Variants in SOS2 observed in about 807,000 individuals in gnomAD.
SOS2 encodes son of sevenless homolog 2.
Under a neutral mutation model 148.2 loss-of-function variants are expected in SOS2, and 65 were observed. The observed-to-expected ratio is 0.44, with a 90% CI of 0.36 to 0.54. SOS2 has a LOEUF of 0.54. Among genes scored for constraint, SOS2 ranks in the 20% least tolerant of loss-of-function variants. The pLI is 0.00. For missense variants in SOS2, 1,341 were observed against 1,590.2 expected (o/e 0.84, Z 2.67); for synonymous variants, 539 against 537.1 (o/e 1.00, Z -0.05).
intron 4 of SOS2, among the ~76,000 whole-genome samples, chr14:50,195,882 C>T (rs566738914): frequency 6.6e-6 from 1 of 152,170 alleles, no homozygotes; most frequent in Admixed American, 6.5e-5. Context: ...CAAAAATCAG[C>T]CAGGCATGGT....
intron 2 of SOS2, among the ~76,000 whole-genome samples, chr14:50,201,854 T>C (rs1029805068): frequency 2.6e-5 from 4 of 152,210 alleles, no homozygotes; most frequent in African/African-American, 9.6e-5. Flanking sequence ...GTCATGTATC[T>C]CTTGGAAGAT....
At chr14:50,229,920 T>A (rs1223759448) in intron 1 of SOS2, among the ~76,000 whole-genome samples, 2 of 152,242 alleles carry the variant, frequency 1.3e-5, no homozygotes, top group Non-Finnish European at 2.9e-5. Flanking sequence ...CAGCACACTT[T>A]TCATTTCTTT....
intron 1 of SOS2, among the ~76,000 whole-genome samples, chr14:50,226,309 CT>C (rs922672438): frequency 2.0e-5 from 3 of 152,200 alleles, no homozygotes; most frequent in African/African-American, 7.2e-5. Flanking sequence ...ACAAATGTTG[CT>C]TGCTTAAAGT....
intron 4 of SOS2, among the ~76,000 whole-genome samples, chr14:50,196,959 C>T (rs1351230965): frequency 1.3e-5 from 2 of 152,044 alleles, no homozygotes; most frequent in Non-Finnish European, 2.9e-5. Flanking sequence ...CCTCAACCTC[C>T]CGAGCTCCAG....
rs1886868768 is a variant in SOS2 at position 50,211,510 on chromosome 14, A to AT, written c.88-7102dup. ...ACATCTTTATGTCCATGGGTACCCCATGTTTAGCTCTCACCCGTAAATGAG... is the reference window on the plus strand; with the variant it reads ...ACATCTTTATGTCCATGGGTACCCCATTGTTTAGCTCTCACCCGTAAATGAG... On this transcript the variant is annotated intron_variant, in intron 1 of 22. Transcript: ENST00000216373. Among the ~76,000 whole-genome samples the AT allele has an allele frequency of 1.3e-5, 2 of 150,246 alleles. 1 individual carries two copies. The highest frequency in any genetic ancestry group is 3.0e-5 in the Non-Finnish European group (2 of 67,624).
At chr14:50,127,213 A>G (rs1394733930) in intron 21 of SOS2, among the ~76,000 whole-genome samples, 1 of 141,700 alleles carries the variant, frequency 7.1e-6, no homozygotes, top group Non-Finnish European at 1.5e-5. Flanking sequence ...ACGATCTTGG[A>G]TCACTGCAAC....
At chr14:50,179,753 T>C (rs576207768) in intron 7 of SOS2, among the ~76,000 whole-genome samples, 2 of 152,328 alleles carry the variant, frequency 1.3e-5, no homozygotes, top group East Asian at 1.9e-4. Flanking sequence ...GTTGAGATAG[T>C]AAAAATAAAA....
intron 1 of SOS2, among the ~76,000 whole-genome samples, chr14:50,224,701 T>C (rs370474052): frequency 3.7e-5 from 5 of 134,314 alleles, no homozygotes; most frequent in South Asian, 2.4e-4. Context: ...CCAGAGGACA[T>C]AGCAAGACCT....
chr14:50,122,959 G>A (rs947114485), intron 21 of SOS2, among the ~76,000 whole-genome samples: 3 of 152,104 alleles, frequency 2.0e-5, no homozygotes, highest in Non-Finnish European at 4.4e-5. Context: ...ATATAACCGT[G>A]AACAAAACTC....
At chr14:50,219,816 A>T (rs1355939177) in intron 1 of SOS2, among the ~76,000 whole-genome samples, 1 of 152,138 alleles carries the variant, frequency 6.6e-6, no homozygotes, top group Non-Finnish European at 1.5e-5. Context: ...CTCTAAACTC[A>T]TTAAGATCAG....
Position 50,159,835 on chromosome 14 carries a change from C to T in SOS2, c.1448G>A (p.Ser483Asn), listed in dbSNP as rs17122201. ...HGQTRLPGYSSAEYRLKEKFV... is the reference protein window; with the variant it reads ...HGQTRLPGYSNAEYRLKEKFV... ...TTTTTCTTTTAACCTGTATTCTGCA[C>T]TACTGTAACCTGGAAGCCGAGTCTG... Residue 483 changes from serine to asparagine, a missense_variant, in exon 10 of 23, where the codon AGT (serine) becomes AAT (asparagine). Physicochemically the swap from Ser to Asn is conservative, Grantham distance 46. Around this residue, in one of 4 missense-constraint regions of SOS2, gnomAD observed 574 missense variants for 711.1 expected, o/e 0.81. Coordinates refer to ENST00000216373, the MANE Select transcript of SOS2 (RefSeq NM_006939.4). 7,944 of 1,614,066 alleles carry T rather than the reference C, an allele frequency of 4.9e-3. 284 individuals carry two copies. The African/African-American group carries it at 0.084, about 17-fold the overall frequency.
chr14:50,133,309 T>C (rs1177099226), intron 19 of SOS2, among the ~76,000 whole-genome samples: 16 of 128,486 alleles, frequency 1.2e-4, no homozygotes, highest in African/African-American at 4.6e-4. Flanking sequence ...TGAAGTGGAG[T>C]GATCTTGGCT....
chr14:50,178,401 G>C (rs1176326016), intron 7 of SOS2, among the ~76,000 whole-genome samples: 1 of 152,084 alleles, frequency 6.6e-6, no homozygotes, highest in East Asian at 1.9e-4. Context: ...GCTTCCTGTA[G>C]AGCCTGTGGA....
intron 1 of SOS2, among the ~76,000 whole-genome samples, chr14:50,205,723 G>C (rs1886637358): frequency 6.6e-6 from 1 of 152,090 alleles, no homozygotes; most frequent in African/African-American, 2.4e-5. Context: ...CCTGAGGTCA[G>C]AAGTTTGAGA....
intron 1 of SOS2, among the ~76,000 whole-genome samples, chr14:50,215,201 A>G (rs1360424658): frequency 6.6e-6 from 1 of 152,204 alleles, no homozygotes. Context: ...ATGATTGAAC[A>G]TGAGAATTAA....
intron 18 of SOS2, among the ~76,000 whole-genome samples, chr14:50,136,267 T>G (rs1884076949): frequency 6.6e-6 from 1 of 152,216 alleles, no homozygotes. Context: ...ATTTGAAAAG[T>G]GAATAGCTAC....
chr14:50,170,887 T>C (rs1034308677), intron 8 of SOS2, among the ~76,000 whole-genome samples: 1 of 145,286 alleles, frequency 6.9e-6, no homozygotes, highest in South Asian at 2.2e-4. Flanking sequence ...ATGAGGCAGG[T>C]GGATCGCTTG....
At position 50,190,018 on chromosome 14, in the gene SOS2, T is replaced by C. The variant is rs534014186; in HGVS notation, c.511-1318A>G. 2.0e-3 allele frequency among the ~76,000 whole-genome samples: 296 copies of C among 151,756 alleles called. 2 individuals are homozygous for C. Among genetic ancestry groups the C allele is most frequent in the African/African-American group, 6.8e-3 (283 of 41,388 alleles). Reference sequence around the variant, plus strand: ...TGCACGCCACCATGCCTGGCTAATTTTTTTTTGTATTTTTAATAGAGACGG... The same window carrying C: ...TGCACGCCACCATGCCTGGCTAATTCTTTTTTGTATTTTTAATAGAGACGG... On this transcript the variant is annotated intron_variant, in intron 4 of 22. Transcript: ENST00000216373.
chr14:50,158,519 A>C, intron 11 of SOS2, 46 bp downstream of exon 11: 1 of 1,193,348 alleles, frequency 8.4e-7, no homozygotes, highest in Non-Finnish European at 1.2e-6. Context: ...AATACAGTTA[A>C]TTTTTCACAA....
Sources: allele counts gnomAD v4.1 joint callset (sites outside exome capture counted in the v4.1 genomes callset), GRCh38; gene constraint gnomAD v4.1.1; regional missense constraint gnomAD v4.1.1; transcripts MANE v1.5; gene names NCBI Gene and HGNC (gene_info 2026-07-23, HGNC 2026-07-21).